The following DLG2 variants were observed in gnomAD, a reference collection of about 807,000 sequenced individuals.
DLG2 encodes discs large MAGUK scaffold protein 2, also known as disks large homolog 2.
Under a neutral mutation model 132.5 loss-of-function variants are expected in DLG2, and 45 were observed. That is an observed-to-expected ratio of 0.34 (90% CI 0.27 to 0.44). The LOEUF is 0.44. Ranked by LOEUF, DLG2 falls within the 20% of genes least tolerant of loss-of-function variation. The pLI, the probability that DLG2 is intolerant of heterozygous loss-of-function variation, is 1.00. For synonymous variants in DLG2, 424 were observed against 419.6 expected, an observed-to-expected ratio of 1.01 and a Z score of -0.13; for missense variants, 1,045 against 1,196.9, an observed-to-expected ratio of 0.87 and a Z score of 1.87.
intron 4 of DLG2, among the ~76,000 whole-genome samples, chr11:85,256,503 C>A (rs1392420394): frequency 6.6e-6 from 1 of 152,198 alleles, no homozygotes. Flanking sequence ...AACACTTAAG[C>A]CACCTGCAGA....
intron 6 of DLG2, among the ~76,000 whole-genome samples, chr11:84,729,603 T>A (rs977974237): frequency 2.6e-5 from 4 of 151,944 alleles, no homozygotes; most frequent in African/African-American, 9.7e-5. Flanking sequence ...AAGTCCTCTA[T>A]GTCCACTCAC....
At chr11:85,504,666 T>C (rs895622926) in intron 3 of DLG2, among the ~76,000 whole-genome samples, 3 of 152,222 alleles carry the variant, frequency 2.0e-5, no homozygotes, top group Non-Finnish European at 4.4e-5. Flanking sequence ...AGCTTTGTTC[T>C]TTTGCCTTAG....
At chr11:83,510,762 A>G (rs2094963457) in intron 21 of DLG2, among the ~76,000 whole-genome samples, 1 of 150,342 alleles carries the variant, frequency 6.7e-6, no homozygotes, top group Non-Finnish European at 1.5e-5. Flanking sequence ...AAGCAGGGCC[A>G]GTCAGAGGAG....
chr11:84,317,197 C>T (rs1316790278), intron 7 of DLG2: 55 of 1,553,500 alleles, frequency 3.5e-5, no homozygotes, highest in South Asian at 4.9e-5. Flanking sequence ...AGAAATGTCT[C>T]CTCCCTCACA....
At chr11:84,085,837 G>A (rs914502131) in intron 10 of DLG2, among the ~76,000 whole-genome samples, 1 of 152,168 alleles carries the variant, frequency 6.6e-6, no homozygotes, top group Non-Finnish European at 1.5e-5. Flanking sequence ...TTGTTCCTCT[G>A]TGAGGAATCA....
rs75043738 is a variant in DLG2, at chr11:84,375,291, C to A, written c.520-124000G>T. Among the ~76,000 whole-genome samples the A allele has an allele frequency of 2.2e-4, 34 of 152,202 alleles. No individual in the cohort carries two copies. In the East Asian group the frequency reaches 5.4e-3, roughly 24 times the overall value. ...TTGGAACTATATCTAGCACATGATA[C>A]AAGACATATGATTTCTGAGTGAATG... On this transcript the variant is annotated intron_variant, in intron 7 of 27. Coordinates refer to ENST00000376104, the MANE Select transcript of DLG2 (RefSeq NM_001142699.3).
intron 18 of DLG2, among the ~76,000 whole-genome samples, chr11:83,769,914 G>A (rs1298275624): frequency 6.6e-6 from 1 of 152,020 alleles, no homozygotes; most frequent in African/African-American, 2.4e-5. Flanking sequence ...GCTGCCCCAG[G>A]GCCTGCTTCC....
chr11:85,505,869 GGCTA>G (rs1210695708), intron 3 of DLG2, among the ~76,000 whole-genome samples: 1 of 152,040 alleles, frequency 6.6e-6, no homozygotes, highest in Non-Finnish European at 1.5e-5. Flanking sequence ...GTGGTTGGTA[GGCTA>G]TTAATTACTG....
At chr11:84,050,881 C>T (rs946349551) in intron 11 of DLG2, among the ~76,000 whole-genome samples, 3 of 151,930 alleles carry the variant, frequency 2.0e-5, no homozygotes, top group African/African-American at 7.2e-5. Context: ...GTCTACATCT[C>T]TGTTTTGGTA....
intron 18 of DLG2, among the ~76,000 whole-genome samples, chr11:83,667,682 A>G (rs969988044): frequency 6.6e-6 from 1 of 152,276 alleles, no homozygotes; most frequent in East Asian, 1.9e-4. Flanking sequence ...AATCATGTAC[A>G]GAAATTAAAG....
Position 84,858,883 on chromosome 11 carries a change from T to C in DLG2, c.357+252778A>G, listed in dbSNP as rs564548013. Among the ~76,000 whole-genome samples, 6 of 152,200 alleles carry C rather than the reference T, an allele frequency of 3.9e-5. No individual in the cohort carries two copies. In the East Asian group the frequency reaches 1.2e-3, roughly 29 times the overall value. On this transcript the variant is annotated intron_variant, in intron 6 of 27. Transcript: ENST00000376104. ...CTTTTTAATAAAAATATACACATTT[T>C]AAAACTAACATCATGGGAAATAGTA...
intron 6 of DLG2, among the ~76,000 whole-genome samples, chr11:84,842,268 A>G (rs557203426): frequency 9.2e-5 from 14 of 152,006 alleles, no homozygotes; most frequent in South Asian, 2.1e-4. Flanking sequence ...TCTGCTTCTC[A>G]TAACAATCTT....
At chr11:83,470,361 T>A (rs905295804) in intron 24 of DLG2, among the ~76,000 whole-genome samples, 1 of 152,142 alleles carries the variant, frequency 6.6e-6, no homozygotes, top group African/African-American at 2.4e-5. Flanking sequence ...TTAACAATGA[T>A]GTTATCTCTG....
At chr11:84,668,105 G>A (rs1233283654) in intron 6 of DLG2, among the ~76,000 whole-genome samples, 1 of 152,054 alleles carries the variant, frequency 6.6e-6, no homozygotes, top group Non-Finnish European at 1.5e-5. Flanking sequence ...GATAAAGATA[G>A]TAACGCCCAT....
intron 16 of DLG2, among the ~76,000 whole-genome samples, chr11:83,844,562 A>AAAAAG (rs1648551182): frequency 6.8e-6 from 1 of 147,642 alleles, no homozygotes; most frequent in Non-Finnish European, 1.5e-5. Context: ...AAAAAAAAAA[A>AAAAAG]AAAAAAAAGG....
At chr11:84,148,554 G>T (rs1406945033) in intron 9 of DLG2, among the ~76,000 whole-genome samples, 4 of 151,896 alleles carry the variant, frequency 2.6e-5, no homozygotes, top group Non-Finnish European at 5.9e-5. Context: ...AAAGGATATG[G>T]TTTTTTTATG....
chr11:84,589,091 C>T (rs1202199042), intron 6 of DLG2, among the ~76,000 whole-genome samples: 2 of 152,014 alleles, frequency 1.3e-5, no homozygotes, highest in African/African-American at 4.8e-5. Context: ...TTCTAGGTAT[C>T]CTGACTTTGG....
At chr11:84,745,669 G>C (rs970540054) in intron 6 of DLG2, among the ~76,000 whole-genome samples, 1 of 152,146 alleles carries the variant, frequency 6.6e-6, no homozygotes, top group African/African-American at 2.4e-5. Context: ...ATTATAAAGA[G>C]AGCAAGGAAG....
At chr11:83,559,768 C>A (rs1453385958) in intron 19 of DLG2, among the ~76,000 whole-genome samples, 1 of 152,158 alleles carries the variant, frequency 6.6e-6, no homozygotes, top group Admixed American at 6.6e-5. Context: ...TATTTATCTT[C>A]CAAGCTGTTT....
Sources: allele counts gnomAD v4.1 joint callset (sites outside exome capture counted in the v4.1 genomes callset), GRCh38; gene constraint gnomAD v4.1.1; transcripts MANE v1.5; gene names NCBI Gene and HGNC (gene_info 2026-07-23, HGNC 2026-07-21).